SEC14L2: variants seen among roughly 807,000 people sequenced by gnomAD.
SEC14L2 encodes SEC14 like lipid binding 2, also known as SEC14-like protein 2.
A neutral mutation model predicts 56.9 loss-of-function variants in SEC14L2; 50 were observed. The observed-to-expected ratio is 0.88, with a 90% CI of 0.70 to 1.11. SEC14L2 has a LOEUF of 1.11. SEC14L2 is among the 50% of genes most tolerant of loss of function. The probability of loss-of-function intolerance (pLI) is 0.00; values close to 1 mark genes in which losing one functional copy is unlikely to be tolerated. For missense variants in SEC14L2, 414 were observed against 500.7 expected, an observed-to-expected ratio of 0.83 and a Z score of 1.65; for synonymous variants, 179 against 188.5, an observed-to-expected ratio of 0.95 and a Z score of 0.41.
intron 1 of SEC14L2, 130 bp from the exon 2 acceptor site, chr22:30,399,513 C>CA (rs60817387): frequency 0.1 from 24,303 of 240,860 alleles, 1,572 homozygotes; most frequent in African/African-American, 0.13. Flanking sequence ...GACTCTATCT[C>CA]AAAAAAAAAA....
chr22:30,411,742 CAAAAAA>C lies in SEC14L2; in HGVS notation c.664+1077_664+1082del, dbSNP rs60530235. 1.2e-3 allele frequency among the ~76,000 whole-genome samples: 81 copies of C among 67,808 alleles called. 1 individual carries two copies. The highest frequency in any genetic ancestry group is 1.7e-3 in the Non-Finnish European group (66 of 39,880). The allele number at this position is 67,808 out of a possible 152,430, so 44.5% of individuals were successfully genotyped here. On this transcript the variant is annotated intron_variant, in intron 8 of 11. Transcript: ENST00000615189. ...AGCCTGGGCAACAGAGACTCCGTCT[CAAAAAA>C]AAAAAAAAAAAAAGGGGTCCCTTGA...
intron 2 of SEC14L2, among the ~76,000 whole-genome samples, chr22:30,402,450 C>T (rs1279081304): frequency 1.3e-5 from 2 of 152,094 alleles, no homozygotes; most frequent in Non-Finnish European, 2.9e-5. Context: ...CTCACAGTGG[C>T]GGTCATTCAA....
intron 11 of SEC14L2, chr22:30,416,960 C>A: frequency 1.6e-6 from 1 of 623,096 alleles, no homozygotes; most frequent in Non-Finnish European, 2.0e-6. Flanking sequence ...CATTAAAATT[C>A]CCCTTGACTC....
intron 1 of SEC14L2, chr22:30,397,755 C>G (rs1172675800): frequency 9.3e-6 from 4 of 431,960 alleles, no homozygotes; most frequent in Admixed American, 5.3e-5. Flanking sequence ...CCAGGCTCCC[C>G]CCATGAGGCA....
chr22:30,398,678 C>G (rs200131701), intron 1 of SEC14L2: 12 of 471,434 alleles, frequency 2.5e-5, no homozygotes, highest in Non-Finnish European at 5.3e-5. Flanking sequence ...TCCTTCAAGC[C>G]CAGCACAAAT....
chr22:30,397,679 CT>C, intron 1 of SEC14L2: 1 of 342,224 alleles, frequency 2.9e-6, no homozygotes, highest in South Asian at 2.2e-5. Context: ...CTCTTTGCTC[CT>C]CGATGCCATG....
chr22:30,404,725 G>C (rs553580655), intron 2 of SEC14L2, among the ~76,000 whole-genome samples: 2 of 152,256 alleles, frequency 1.3e-5, no homozygotes, highest in East Asian at 3.9e-4. Context: ...GGATTTGGGG[G>C]GTTTCAGTGC....
In SEC14L2 at chr22:30,409,259, C is replaced by G. The variant is rs368738792; in HGVS notation, c.496C>G (p.Pro166Ala). The G allele has an allele frequency of 2.1e-5, 34 of 1,613,604 alleles. No individual in the cohort carries two copies. In the African/African-American group the frequency reaches 4.1e-4, roughly 20 times the overall value. The change falls in exon 6 of 12, where the codon CCT becomes GCT. Residue 166 changes from proline (P) to alanine (A), a missense_variant. Transcript: ENST00000615189. ...GCTTGGCCTCAAGCATCTCTGGAAG[C>G]CTGCTGTGGAGGCCTATGGAGAGGT... Reference protein sequence around the residue: ...EGLGLKHLWKPAVEAYGEFLC... With the variant: ...EGLGLKHLWKAAVEAYGEFLC...
At chr22:30,413,706 AT>A (rs927477915) in intron 8 of SEC14L2, among the ~76,000 whole-genome samples, 3 of 152,162 alleles carry the variant, frequency 2.0e-5, no homozygotes, top group Admixed American at 2.0e-4. Flanking sequence ...TTCCAAATGT[AT>A]GCTAGTGAGA....
intron 2 of SEC14L2, among the ~76,000 whole-genome samples, chr22:30,405,417 C>T (rs1934066296): frequency 6.6e-6 from 1 of 152,128 alleles, no homozygotes; most frequent in Admixed American, 6.6e-5. Flanking sequence ...GAGCAAGTGG[C>T]CTTGGGGGTC....
intron 11 of SEC14L2, among the ~76,000 whole-genome samples, chr22:30,420,327 T>C (rs1416223713): frequency 6.6e-6 from 1 of 152,094 alleles, no homozygotes; most frequent in African/African-American, 2.4e-5. Context: ...TCCTGGAGGG[T>C]GTCTGGGGGC....
chr22:30,404,016 AAAAAAAAAAAAAAG>A (rs1459031773), intron 2 of SEC14L2, among the ~76,000 whole-genome samples: 16 of 135,190 alleles, frequency 1.2e-4, no homozygotes, highest in Non-Finnish European at 1.7e-4. Context: ...TCTCAAAAAA[AAAAAAAAAAAAAAG>A]AAAAAAAAAA....
chr22:30,409,302 A>G lies in SEC14L2; in HGVS notation c.519+20A>G, dbSNP rs1601778652. 2 of 1,519,130 alleles carry G rather than the reference A, an allele frequency of 1.3e-6. No individual in the cohort carries two copies. The highest frequency in any genetic ancestry group is 1.8e-6 in the Non-Finnish European group (2 of 1,097,236). The allele number at this position is 1,519,130 out of a possible 1,614,324, so 94.1% of individuals were successfully genotyped here. On this transcript the variant is annotated intron_variant, in intron 6 of 11. Coordinates refer to ENST00000615189, the MANE Select transcript of SEC14L2 (RefSeq NM_012429.5). ...GGAGAGGTGAGGGGCAGGGGTGGGGAGGAAGGGGACAGAGGGAAGGGGAGG... is the reference window on the plus strand; with the variant it reads ...GGAGAGGTGAGGGGCAGGGGTGGGGGGGAAGGGGACAGAGGGAAGGGGAGG...
Position 30,410,666 on chromosome 22 carries a change from C to G in SEC14L2, c.651C>G (p.Ile217Met). 6.2e-7 allele frequency: 1 copy of G among 1,614,110 alleles called. No individual in the cohort carries two copies. The highest frequency in any genetic ancestry group is 8.5e-7 in the Non-Finnish European group (1 of 1,179,930). ...TGAGTGAGGACACTCGTAAGAAGATCATGGTCCTGGGAGGTAAGTGGTCCA... is the reference window on the plus strand; with the variant it reads ...TGAGTGAGGACACTCGTAAGAAGATGATGGTCCTGGGAGGTAAGTGGTCCA... ...PFLSEDTRKK[I>M]MVLGANWKEV... Residue 217 changes from isoleucine to methionine, a missense_variant, in exon 8 of 12, where the codon ATC becomes ATG. Coordinates refer to ENST00000615189, the MANE Select transcript of SEC14L2 (RefSeq NM_012429.5).
chr22:30,406,298 G>A, intron 2 of SEC14L2, 44 bp from the exon 3 acceptor site: 1 of 1,608,226 alleles, frequency 6.2e-7, no homozygotes, highest in Non-Finnish European at 8.5e-7. Flanking sequence ...TGGACACCCA[G>A]TCCTGCTAAC....
chr22:30,412,359 T>G (rs1247390344), intron 8 of SEC14L2, among the ~76,000 whole-genome samples: 4 of 150,714 alleles, frequency 2.7e-5, no homozygotes, highest in Non-Finnish European at 5.9e-5. Flanking sequence ...CAAAAGACCT[T>G]CAAGGGACCC....
At chr22:30,405,280 AG>A (rs1260185362) in intron 2 of SEC14L2, among the ~76,000 whole-genome samples, 3 of 152,186 alleles carry the variant, frequency 2.0e-5, no homozygotes, top group African/African-American at 7.2e-5. Context: ...GTGAAAGCAC[AG>A]AATTTTCCAG....
chr22:30,404,558 A>G (rs1214217862), intron 2 of SEC14L2, among the ~76,000 whole-genome samples: 1 of 152,184 alleles, frequency 6.6e-6, no homozygotes, highest in East Asian at 1.9e-4. Context: ...GGGACAGTTC[A>G]TAGGTCAGAT....
intron 1 of SEC14L2, among the ~76,000 whole-genome samples, chr22:30,399,279 C>T (rs1488445451): frequency 3.3e-5 from 5 of 151,932 alleles, no homozygotes; most frequent in Non-Finnish European, 5.9e-5. Context: ...CACTTTAGAC[C>T]GAGATGGGCG....
Sources: gnomAD v4.1 joint callset for allele counts (sites outside exome capture counted in the v4.1 genomes callset) on GRCh38, gnomAD v4.1.1 for gene constraint, MANE v1.5 for transcripts, NCBI Gene and HGNC (gene_info 2026-07-23, HGNC 2026-07-21) for gene names.